Variants in PSMD10 observed in about 807,000 individuals in gnomAD.
The protein encoded by PSMD10 is 26S proteasome non-ATPase regulatory subunit 10.
In PSMD10, 2 loss-of-function variants were observed where a neutral mutation model predicts 13.2. The ratio of observed to expected loss-of-function variants is 0.15; its 90% CI spans 0.06 to 0.48. The LOEUF is 0.48. Ranked by LOEUF, PSMD10 falls within the 20% of genes least tolerant of loss-of-function variation. The pLI, the probability that PSMD10 is intolerant of heterozygous loss-of-function variation, is 0.97. For synonymous variants in PSMD10, 66 were observed against 64.4 expected (o/e 1.03, Z -0.12); for missense variants, 120 against 167.4 (o/e 0.72, Z 1.56).
At chrX:108,085,417 G>T (rs2031484694) in intron 4 of PSMD10, among the ~76,000 whole-genome samples, 1 of 112,450 alleles carries the variant, frequency 8.9e-6, no homozygotes, top group Admixed American at 9.4e-5. Flanking sequence ...GAGATAAGTA[G>T]TTGTTTACCT....
At chrX:108,090,071 A>T (rs989814181) in intron 1 of PSMD10, among the ~76,000 whole-genome samples, 2 of 112,277 alleles carry the variant, frequency 1.8e-5, no homozygotes, top group Non-Finnish European at 3.8e-5. Context: ...TGCTTTAACT[A>T]GTTTTTTCCT....
intron 2 of PSMD10, 165 bp downstream of exon 2, chrX:108,088,587 T>C (rs1489767084): frequency 1.8e-5 from 8 of 445,683 alleles, no homozygotes; most frequent in Non-Finnish European, 3.2e-5. Flanking sequence ...TGTAAAATAA[T>C]GCAACCATGA....
At chrX:108,088,885 T>C (rs770057550) in intron 1 of PSMD10, 35 bp from the exon 2 acceptor site, 2 of 1,050,126 alleles carry the variant, frequency 1.9e-6, no homozygotes, top group Middle Eastern at 2.6e-4. Context: ...ATTCTTGAAA[T>C]AGAAGGCAAA....
At chrX:108,087,583 G>A (rs2031511830) in intron 4 of PSMD10, 103 bp downstream of exon 4, 4 of 1,066,430 alleles carry the variant, frequency 3.8e-6, no homozygotes, top group African/African-American at 1.9e-5. Flanking sequence ...CCATTAACAC[G>A]TATTGCATTT....
chrX:108,088,300 A>C (rs2031522922), intron 2 of PSMD10, among the ~76,000 whole-genome samples: 1 of 112,536 alleles, frequency 8.9e-6, no homozygotes, highest in Non-Finnish European at 1.9e-5. Flanking sequence ...CAAAAAAGTT[A>C]TTTAGGTCCT....
intron 4 of PSMD10, among the ~76,000 whole-genome samples, 159 bp from the exon 5 acceptor site, chrX:108,085,286 T>A (rs1032113618): frequency 3.6e-5 from 4 of 112,359 alleles, no homozygotes; most frequent in African/African-American, 6.5e-5. Context: ...AGGGAGACTG[T>A]AAGTTAAAAT....
chrX:108,089,038 A>G (rs2031532610), intron 1 of PSMD10, among the ~76,000 whole-genome samples, 188 bp from the exon 2 acceptor site: 2 of 112,541 alleles, frequency 1.8e-5, no homozygotes, highest in Non-Finnish European at 3.8e-5. Context: ...CATGGGGAGA[A>G]TGACATTGAT....
At position 108,084,440 on chromosome X, in the gene PSMD10, C is replaced by G. The variant is rs2031471333; in HGVS notation, c.*534G>C. ...CAGTATTTTAGAGCACACCATCCAA[C>G]TTAAAATGTGGTCCACTAAAATATG... is the stretch of plus-strand genomic sequence containing the variant. On this transcript the variant is annotated 3_prime_UTR_variant, in exon 5 of 5. Coordinates refer to ENST00000217958, the MANE Select transcript of PSMD10 (RefSeq NM_002814.4). 8.9e-6 allele frequency: 1 copy of G among 112,629 alleles called. No individual in the cohort carries two copies. The highest frequency in any genetic ancestry group is 1.9e-5 in the Non-Finnish European group (1 of 53,340). 9.3% of individuals were successfully genotyped at this position (112,629 alleles called of 1,213,427 possible). A position where few individuals can be genotyped will look rare whatever the true frequency, so the allele number is the denominator to read the frequency against.
chrX:108,087,574 C>T, intron 4 of PSMD10, 112 bp downstream of exon 4: 2 of 1,025,583 alleles, frequency 2.0e-6, no homozygotes, highest in Non-Finnish European at 1.3e-6. Flanking sequence ...ACATTTTTGC[C>T]ATTAACACGT....
chrX:108,086,051 G>T (rs1223883385), intron 4 of PSMD10, among the ~76,000 whole-genome samples: 1 of 111,729 alleles, frequency 9.0e-6, no homozygotes, highest in Admixed American at 9.5e-5. Flanking sequence ...ATGCAGGAAA[G>T]ATTTTAAAAA....
chrX:108,088,308 C>A (rs1178027152), intron 2 of PSMD10, among the ~76,000 whole-genome samples: 1 of 111,717 alleles, frequency 9.0e-6, no homozygotes, highest in East Asian at 2.8e-4. Flanking sequence ...TTATTTAGGT[C>A]CTCATTATTC....
Position 108,084,990 on chromosome X carries a change from C to G in PSMD10, c.665G>C (p.Arg222Thr). Residue 222 changes from arginine (R) to threonine (T), a missense_variant, in exon 5 of 5, where the codon AGA becomes ACA. Coordinates refer to ENST00000217958, the MANE Select transcript of PSMD10 (RefSeq NM_002814.4). ...AKGGLGLILK[R>T]MVEG Reference sequence around the variant, plus strand: ...CCAAGCTGTTTAACCTTCCACCATTCTCTTGAGTATTAAACCCAGGCCACC... The same window carrying G: ...CCAAGCTGTTTAACCTTCCACCATTGTCTTGAGTATTAAACCCAGGCCACC... The G allele has an allele frequency of 8.3e-7, 1 of 1,202,672 alleles. No individual in the cohort carries two copies. The highest frequency in any genetic ancestry group is 1.1e-6 in the Non-Finnish European group (1 of 891,748).
chrX:108,088,127 C>T, intron 2 of PSMD10, 28 bp from the exon 3 acceptor site: 3 of 1,173,118 alleles, frequency 2.6e-6, no homozygotes, highest in Non-Finnish European at 3.4e-6. Flanking sequence ...AGTAGAAATA[C>T]CAGGGGAAAA....
At chrX:108,088,161 T>A in intron 2 of PSMD10, 62 bp from the exon 3 acceptor site, 1 of 1,082,421 alleles carries the variant, frequency 9.2e-7, no homozygotes, top group Non-Finnish European at 1.2e-6. Flanking sequence ...AGTGCTAACA[T>A]TTAGGAAGGG....
intron 4 of PSMD10, 73 bp downstream of exon 4, chrX:108,087,613 A>T: frequency 2.7e-6 from 3 of 1,130,028 alleles, no homozygotes; most frequent in Non-Finnish European, 3.5e-6. Flanking sequence ...ATAAAAAAAG[A>T]AATGATGTAT....
intron 2 of PSMD10, 36 bp downstream of exon 2, chrX:108,088,716 G>A (rs1432753942): frequency 9.2e-7 from 1 of 1,084,065 alleles, no homozygotes; most frequent in Admixed American, 2.2e-5. Flanking sequence ...AAAGATAACT[G>A]GGAATTTATC....
At chrX:108,087,388 CAA>C (rs1346463185) in intron 4 of PSMD10, 4 of 198,307 alleles carry the variant, frequency 2.0e-5, no homozygotes, top group African/African-American at 3.0e-5. Context: ...GTGAAAAGAA[CAA>C]GAGCTAAAAC....
At position 108,088,005 on chromosome X, in the gene PSMD10, T is replaced by C; in HGVS notation, c.308A>G (p.Asn103Ser). 1 of 1,211,266 alleles carries C rather than the reference T, an allele frequency of 8.3e-7. No homozygotes were observed. Among genetic ancestry groups the C allele is most frequent in the Non-Finnish European group, 1.1e-6 (1 of 895,004 alleles). ...ATGTAAGGGAGTACAGCCATTTTGA[T>C]TGACAGCATTCACTTGAGCACCTTT... ...LGKGAQVNAV[N>S]QNGCTPLHYA... The change falls in exon 3 of 5, where the codon AAT becomes AGT. Residue 103 changes from asparagine to serine, a missense_variant. Coordinates refer to ENST00000217958, the MANE Select transcript of PSMD10 (RefSeq NM_002814.4).
In PSMD10 at chrX:108,084,317, A is replaced by G. The variant is rs2031470305; in HGVS notation, c.*657T>C. ...TTTTCAATACAGGATGACACAAAAT[A>G]GGTACTTTAAAACTTCCTTTTAAGA... On this transcript the variant is annotated 3_prime_UTR_variant, in exon 5 of 5. Coordinates refer to ENST00000217958, the MANE Select transcript of PSMD10 (RefSeq NM_002814.4). The G allele has an allele frequency of 8.9e-6, 1 of 112,915 alleles. No individual in the cohort carries two copies. Among genetic ancestry groups the G allele is most frequent in the Non-Finnish European group, 1.9e-5 (1 of 53,371 alleles). The allele number at this position is 112,915 out of a possible 1,213,427, so 9.3% of individuals were successfully genotyped here. A position where few individuals can be genotyped will look rare whatever the true frequency, so the allele number is the denominator to read the frequency against.
Sources: gnomAD v4.1 joint callset for allele counts (sites outside exome capture counted in the v4.1 genomes callset) on GRCh38, gnomAD v4.1.1 for gene constraint, MANE v1.5 for transcripts, NCBI Gene and HGNC (gene_info 2026-07-23, HGNC 2026-07-21) for gene names.